HYKK: variants seen among roughly 807,000 people sequenced by gnomAD.
HYKK encodes hydroxylysine kinase.
HYKK carries 19 observed loss-of-function variants against 29.7 expected under a neutral mutation model. The observed-to-expected ratio is 0.64, with a 90% CI of 0.45 to 0.94. The LOEUF (loss-of-function observed/expected upper bound fraction) is 0.94, where lower values mean the gene tolerates loss of function less well. Among genes scored for constraint, HYKK ranks in the 40% least tolerant of loss-of-function variants. HYKK has a pLI of 0.00. For synonymous variants in HYKK, 152 were observed against 158.1 expected, an observed-to-expected ratio of 0.96 and a Z score of 0.29; for missense variants, 390 against 443.4, an observed-to-expected ratio of 0.88 and a Z score of 1.08.
chr15:78,525,438 G>A (rs893832097), intron 3 of HYKK, among the ~76,000 whole-genome samples: 4 of 151,912 alleles, frequency 2.6e-5, no homozygotes, highest in African/African-American at 4.8e-5. Context: ...TTACAGGCGT[G>A]AGCCACCATG....
rs746360633 is a variant in HYKK at position 78,533,542 on chromosome 15, GAC to G, written c.995_996del (p.Asp332ValfsTer18). The G allele has an allele frequency of 6.2e-7, 1 of 1,611,154 alleles. No homozygotes were observed. The highest frequency in any genetic ancestry group is 1.1e-5 in the South Asian group (1 of 90,920). On this transcript the variant is annotated frameshift_variant, in exon 5 of 5. Coordinates refer to ENST00000388988, the MANE Select transcript of HYKK (RefSeq NM_001013619.4). LOFTEE classifies it high-confidence loss of function. The stretch of plus-strand genomic sequence containing the variant: ...TTGCCAGCTATACCCAGAGAACAAA[GAC>G]TATCTCATGGTTACTGCAAAAACCG... The part of the protein sequence containing the change: ...YSCQLYPENK[D>X]YLMVTAKTGW...
chr15:78,522,846 T>C (rs1031678376), intron 3 of HYKK, among the ~76,000 whole-genome samples: 1 of 151,354 alleles, frequency 6.6e-6, no homozygotes, highest in Non-Finnish European at 1.5e-5. Flanking sequence ...GCAACTGGAC[T>C]CCAGCCTGGG....
intron 1 of HYKK, among the ~76,000 whole-genome samples, chr15:78,511,451 G>A (rs2052071924): frequency 1.3e-5 from 2 of 152,104 alleles, no homozygotes; most frequent in South Asian, 4.1e-4. Flanking sequence ...GCCCAGCGTG[G>A]TGGCTCATGC....
At chr15:78,511,636 A>T (rs2052074031) in intron 1 of HYKK, among the ~76,000 whole-genome samples, 1 of 151,976 alleles carries the variant, frequency 6.6e-6, no homozygotes, top group Non-Finnish European at 1.5e-5. Context: ...GAGGTTCAGG[A>T]TCATTGAGCC....
chr15:78,520,265 ATTCTTGGGTGT>A (rs1315641329), intron 3 of HYKK, among the ~76,000 whole-genome samples: 1 of 149,910 alleles, frequency 6.7e-6, no homozygotes, highest in East Asian at 2.0e-4. Flanking sequence ...TTTATTGATC[ATTCTTGGGTGT>A]TTCTCGCAGA....
chr15:78,527,830 G>C (rs2052270964), intron 4 of HYKK: 2 of 926,628 alleles, frequency 2.2e-6, no homozygotes, highest in Admixed American at 9.3e-5. Flanking sequence ...TTTATAGTAG[G>C]GTTTGTGTTT....
At position 78,524,030 on chromosome 15, in the gene HYKK, C is replaced by T. The variant is rs185092225; in HGVS notation, c.478-3350C>T. 3.1e-3 allele frequency among the ~76,000 whole-genome samples: 465 copies of T among 152,312 alleles called. 1 individual carries two copies. Among genetic ancestry groups the T allele is most frequent in the Admixed American group, 0.016 (246 of 15,300 alleles). Reference sequence around the variant, plus strand: ...AGGGTGCAAACTGCTAGTGGATCTACCATTCTGGGGTCTAGAGGATGGTGG... The same window carrying T: ...AGGGTGCAAACTGCTAGTGGATCTATCATTCTGGGGTCTAGAGGATGGTGG... On this transcript the variant is annotated intron_variant, in intron 3 of 4. Transcript: ENST00000388988.
At chr15:78,515,421 TA>T (rs2052121366) in intron 3 of HYKK, among the ~76,000 whole-genome samples, 1 of 151,902 alleles carries the variant, frequency 6.6e-6, no homozygotes, top group African/African-American at 2.4e-5. Flanking sequence ...CCATCTCTTC[TA>T]AAAAACACAA....
At chr15:78,511,729 T>TA (rs34903924) in intron 1 of HYKK, among the ~76,000 whole-genome samples, 44 of 147,390 alleles carry the variant, frequency 3.0e-4, no homozygotes, top group Non-Finnish European at 4.6e-4. Context: ...CTGAAAAAAA[T>TA]AAAAAAAAAA....
chr15:78,527,733 A>G (rs2052270116), intron 4 of HYKK, 170 bp downstream of exon 4: 1 of 1,382,266 alleles, frequency 7.2e-7, no homozygotes, highest in Non-Finnish European at 9.3e-7. Flanking sequence ...AAATTGCTAC[A>G]TTTGAAGCCT....
chr15:78,510,243 C>T (rs1377673823), intron 1 of HYKK, among the ~76,000 whole-genome samples: 3 of 151,870 alleles, frequency 2.0e-5, no homozygotes, highest in East Asian at 1.9e-4. Context: ...AGTGAAGTGA[C>T]GCAGTCTCAT....
At position 78,517,124 on chromosome 15, in the gene HYKK, T is replaced by TA. The variant is rs1423786977; in HGVS notation, c.477+2017_477+2018insA. Among the ~76,000 whole-genome samples the TA allele has an allele frequency of 1.4e-3, 207 of 149,568 alleles. No individual in the cohort carries two copies. In the Middle Eastern group the frequency reaches 0.027, roughly 20 times the overall value. ...TTCTTTCTTTCTTTTTTTTTTTTTT[T>TA]TTTTCGAGACAGAGTTTCTGTCTGT... On this transcript the variant is annotated intron_variant, in intron 3 of 4. Coordinates refer to ENST00000388988, the MANE Select transcript of HYKK (RefSeq NM_001013619.4).
intron 3 of HYKK, among the ~76,000 whole-genome samples, chr15:78,516,098 G>A (rs1232704098): frequency 1.3e-5 from 2 of 152,024 alleles, no homozygotes; most frequent in Admixed American, 6.6e-5. Context: ...GATTAATAAT[G>A]TATGTTAAGG....
intron 3 of HYKK, 94 bp from the exon 4 acceptor site, chr15:78,527,286 A>C (rs2052263940): frequency 2.3e-5 from 1 of 43,754 alleles, no homozygotes; most frequent in East Asian, 8.6e-4. Flanking sequence ...ACTCTGTCTC[A>C]AAAAAAAAAA....
At position 78,527,570 on chromosome 15, in the gene HYKK, A is replaced by T. The variant is rs764249413; in HGVS notation, c.661+7A>T. On this transcript the variant is annotated splice_region_variant and intron_variant, in intron 4 of 4. Transcript: ENST00000388988. ...TTAAGTCATTTTCGAGAATGTGAGT[A>T]TTCTCCCAATTAAGTATTTTTCTTG... is the stretch of plus-strand genomic sequence containing the variant. 3 of 1,612,120 alleles carry T rather than the reference A, an allele frequency of 1.9e-6. No individual in the cohort carries two copies. The South Asian group carries it at 3.3e-5, about 18-fold the overall frequency.
At chr15:78,513,866 A>T (rs1368171811) in intron 2 of HYKK, among the ~76,000 whole-genome samples, 6 of 152,170 alleles carry the variant, frequency 3.9e-5, no homozygotes, top group African/African-American at 1.4e-4. Flanking sequence ...GTCACAGCTC[A>T]CTGCAGCCTT....
Position 78,533,599 on chromosome 15 carries a change from A to G in HYKK, c.1051A>G (p.Met351Val), listed in dbSNP as rs771215702. 1 of 1,614,260 alleles carries G rather than the reference A, an allele frequency of 6.2e-7. No individual in the cohort carries two copies. Among genetic ancestry groups the G allele is most frequent in the Non-Finnish European group, 8.5e-7 (1 of 1,180,044 alleles). Residue 351 changes from methionine (M) to valine (V), a missense_variant, in exon 5 of 5, where the codon ATG becomes GTG. By Grantham distance (21) the Met-to-Val change is conservative. Coordinates refer to ENST00000388988, the MANE Select transcript of HYKK (RefSeq NM_001013619.4). ...GAAACACTTACAGCAAATGTTTGAC[A>G]TGGGTCAGAAAGCTGTAGAAGAAAT... Reference protein sequence around the residue: ...GWKHLQQMFDMGQKAVEEIWF... With the variant: ...GWKHLQQMFDVGQKAVEEIWF...
chr15:78,519,448 T>C (rs185018232), intron 3 of HYKK, among the ~76,000 whole-genome samples: 128 of 152,320 alleles, frequency 8.4e-4, no homozygotes, highest in African/African-American at 2.9e-3. Flanking sequence ...TCTTCACATA[T>C]TAATTTTGTT....
intron 3 of HYKK, 62 bp from the exon 4 acceptor site, chr15:78,527,318 C>G: frequency 7.0e-7 from 1 of 1,424,526 alleles, no homozygotes; most frequent in Non-Finnish European, 9.8e-7. Flanking sequence ...TGCAGCACCT[C>G]CCACCTCTCT....
Sources: gnomAD v4.1 joint callset for allele counts (sites outside exome capture counted in the v4.1 genomes callset) on GRCh38, gnomAD v4.1.1 for gene constraint, MANE v1.5 for transcripts, NCBI Gene and HGNC (gene_info 2026-07-23, HGNC 2026-07-21) for gene names.